Variants in SLC25A40 observed in about 807,000 individuals in gnomAD.
SLC25A40 encodes the protein solute carrier family 25 member 40, also known as mitochondrial glutathione transporter SLC25A40.
In SLC25A40, 41 loss-of-function variants were observed where a neutral mutation model predicts 46.5. The ratio of observed to expected loss-of-function variants is 0.88; its 90% CI spans 0.69 to 1.14. The LOEUF is 1.14. Ranked by LOEUF, SLC25A40 falls within the 50% of genes most tolerant of loss-of-function variation. SLC25A40 has a pLI of 0.00. For missense variants in SLC25A40, 386 were observed against 393.6 expected (o/e 0.98, Z 0.16); for synonymous variants, 126 against 127.5 (o/e 0.99, Z 0.08).
chr7:87,843,206 G>C (rs984612605), intron 9 of SLC25A40, among the ~76,000 whole-genome samples: 1 of 152,056 alleles, frequency 6.6e-6, no homozygotes, highest in African/African-American at 2.4e-5. Context: ...TCTGCATAAT[G>C]AAAGTCTACT....
intron 5 of SLC25A40, among the ~76,000 whole-genome samples, chr7:87,852,551 A>G (rs1371746293): frequency 6.6e-6 from 1 of 152,210 alleles, no homozygotes; most frequent in Non-Finnish European, 1.5e-5. Context: ...CCTAGGTGAC[A>G]GAGCGAGGCC....
At chr7:87,873,429 C>CTTTTTTTTT in intron 1 of SLC25A40, among the ~76,000 whole-genome samples, 2 of 125,684 alleles carry the variant, frequency 1.6e-5, no homozygotes, top group South Asian at 5.0e-4. Context: ...GAAAGGTTAA[C>CTTTTTTTTT]TTTTTTTTTT....
rs760930350 is a variant in SLC25A40, at chr7:87,847,136, G to C, written c.458-14C>G. 6.5e-7 allele frequency: 1 copy of C among 1,544,864 alleles called. No homozygotes were observed. The highest frequency in any genetic ancestry group is 2.3e-5 in the East Asian group (1 of 43,986). Reference sequence around the variant, plus strand: ...TTACTGCACCAACTAATACAAACAAGTTAAAAAAAAGAAAACAAAAATAAA... The same window carrying C: ...TTACTGCACCAACTAATACAAACAACTTAAAAAAAAGAAAACAAAAATAAA... On this transcript the variant is annotated splice_polypyrimidine_tract_variant and intron_variant, in intron 7 of 11. Transcript: ENST00000341119.
chr7:87,871,021 G>C (rs1242801804), intron 1 of SLC25A40, among the ~76,000 whole-genome samples: 1 of 152,134 alleles, frequency 6.6e-6, no homozygotes, highest in Non-Finnish European at 1.5e-5. Flanking sequence ...AGGGGTCACA[G>C]GCATCCCTCT....
intron 4 of SLC25A40, among the ~76,000 whole-genome samples, chr7:87,855,194 CTTCTT>C (rs918006232): frequency 5.4e-5 from 8 of 147,286 alleles, no homozygotes; most frequent in African/African-American, 1.7e-4. Context: ...ACAAAAATAA[CTTCTT>C]TTAAGTTATC....
intron 10 of SLC25A40, among the ~76,000 whole-genome samples, chr7:87,841,334 G>GA (rs1838331636): frequency 6.6e-6 from 1 of 151,262 alleles, no homozygotes; most frequent in Non-Finnish European, 1.5e-5. Context: ...CAAACTTTAG[G>GA]AAAAAACATC....
intron 1 of SLC25A40, among the ~76,000 whole-genome samples, chr7:87,863,718 G>C (rs1838742143): frequency 6.6e-6 from 1 of 151,736 alleles, no homozygotes; most frequent in South Asian, 2.1e-4. Flanking sequence ...ATTTATGTTA[G>C]GAACATTCGA....
intron 6 of SLC25A40, 81 bp from the exon 7 acceptor site, chr7:87,848,058 A>T: frequency 6.9e-7 from 1 of 1,452,748 alleles, no homozygotes. Flanking sequence ...ATATTATTAT[A>T]TAAGCTAAAA....
chr7:87,845,297 G>A (rs1427310745), intron 8 of SLC25A40, among the ~76,000 whole-genome samples: 1 of 152,142 alleles, frequency 6.6e-6, no homozygotes, highest in East Asian at 1.9e-4. Flanking sequence ...CGACCCCAGG[G>A]CTGAGGATTG....
chr7:87,850,032 A>C (rs780419409), intron 5 of SLC25A40, 84 bp from the exon 6 acceptor site: 101 of 829,268 alleles, frequency 1.2e-4, no homozygotes, highest in Non-Finnish European at 1.7e-4. Flanking sequence ...TGGTAATTTC[A>C]TTCTTTCAGG....
intron 1 of SLC25A40, among the ~76,000 whole-genome samples, chr7:87,872,968 T>C (rs1838916988): frequency 6.6e-6 from 1 of 152,192 alleles, no homozygotes; most frequent in Non-Finnish European, 1.5e-5. Context: ...TCCTATCCTT[T>C]CATGCACTTA....
chr7:87,851,496 G>A lies in SLC25A40; in HGVS notation c.265-1548C>T, dbSNP rs957594091. On this transcript the variant is annotated intron_variant, in intron 5 of 11. Transcript: ENST00000341119. ...TTCCACCAATGTAAGGCTGACAGAA[G>A]GTCAATAAGGAACCAAGATTTTTAC... 3.9e-5 allele frequency among the ~76,000 whole-genome samples: 6 copies of A among 152,200 alleles called. 1 individual carries two copies. Among genetic ancestry groups the A allele is most frequent in the Admixed American group, 3.9e-4 (6 of 15,278 alleles).
intron 2 of SLC25A40, among the ~76,000 whole-genome samples, chr7:87,859,645 T>C (rs562856365): frequency 9.8e-5 from 15 of 152,300 alleles, no homozygotes; most frequent in Middle Eastern, 6.8e-3. Flanking sequence ...TTTGCTTGTT[T>C]AGTAGGCTGC....
chr7:87,859,351 A>T (rs534211401), intron 2 of SLC25A40, among the ~76,000 whole-genome samples: 120 of 152,216 alleles, frequency 7.9e-4, no homozygotes, highest in African/African-American at 2.7e-3. Context: ...CTGAGGCAGG[A>T]GAATGGCGTG....
intron 1 of SLC25A40, among the ~76,000 whole-genome samples, chr7:87,874,093 A>G (rs1359189933): frequency 6.6e-6 from 1 of 152,216 alleles, no homozygotes; most frequent in East Asian, 1.9e-4. Flanking sequence ...CTACTAACAG[A>G]TTTAGGTTCC....
chr7:87,841,246 C>A (rs1206446329), intron 10 of SLC25A40, among the ~76,000 whole-genome samples: 1 of 150,106 alleles, frequency 6.7e-6, no homozygotes, highest in East Asian at 1.9e-4. Flanking sequence ...CCTGATTTGT[C>A]TAAATTTATT....
intron 1 of SLC25A40, among the ~76,000 whole-genome samples, chr7:87,871,120 C>T: frequency 6.6e-6 from 1 of 152,192 alleles, no homozygotes; most frequent in South Asian, 2.1e-4. Flanking sequence ...CACCTGCACT[C>T]CCCATCATGT....
chr7:87,869,387 G>A (rs1308708768), intron 1 of SLC25A40, among the ~76,000 whole-genome samples: 1 of 151,998 alleles, frequency 6.6e-6, no homozygotes, highest in Non-Finnish European at 1.5e-5. Flanking sequence ...AATGAGCTAG[G>A]TGTAGTGGTG....
chr7:87,863,921 A>G (rs1838745847), intron 1 of SLC25A40, among the ~76,000 whole-genome samples: 1 of 152,120 alleles, frequency 6.6e-6, no homozygotes, highest in Non-Finnish European at 1.5e-5. Flanking sequence ...CCACTTTTTT[A>G]GCTCCACATA....
Sources: allele counts gnomAD v4.1 joint callset (sites outside exome capture counted in the v4.1 genomes callset), GRCh38; gene constraint gnomAD v4.1.1; transcripts MANE v1.5; gene names NCBI Gene and HGNC (gene_info 2026-07-23, HGNC 2026-07-21).